DOK6: variants seen among roughly 807,000 people sequenced by gnomAD.
The protein encoded by DOK6 is downstream of tyrosine kinase 6.
In DOK6, 22 loss-of-function variants were observed where a neutral mutation model predicts 44.0. The observed-to-expected ratio is 0.50, with a 90% CI of 0.36 to 0.71. DOK6 has a LOEUF of 0.71. DOK6 is among the 30% of genes least tolerant of loss of function. The probability of loss-of-function intolerance (pLI) is 0.00; values close to 1 mark genes in which losing one functional copy is unlikely to be tolerated. For missense variants in DOK6, 340 were observed against 416.4 expected, an observed-to-expected ratio of 0.82 and a Z score of 1.60; for synonymous variants, 166 against 145.5, an observed-to-expected ratio of 1.14 and a Z score of -1.01.
chr18:69,463,673 G>A (rs1294538166), intron 1 of DOK6, among the ~76,000 whole-genome samples: 1 of 151,842 alleles, frequency 6.6e-6, no homozygotes, highest in Admixed American at 6.6e-5. Context: ...GTGTAAATAT[G>A]TGTGCATGTG....
intron 3 of DOK6, among the ~76,000 whole-genome samples, chr18:69,659,453 T>C (rs1339061623): frequency 1.3e-5 from 2 of 152,208 alleles, no homozygotes; most frequent in East Asian, 3.8e-4. Flanking sequence ...TTCTGCACAA[T>C]GTATTTCATT....
intron 1 of DOK6, among the ~76,000 whole-genome samples, chr18:69,546,743 G>C (rs1222788125): frequency 6.6e-6 from 1 of 151,436 alleles, no homozygotes; most frequent in Non-Finnish European, 1.5e-5. Context: ...CATGAGTAAT[G>C]ATCAAGTCAG....
At chr18:69,744,971 G>A (rs1195342471) in intron 6 of DOK6, among the ~76,000 whole-genome samples, 1 of 147,736 alleles carries the variant, frequency 6.8e-6, no homozygotes, top group Non-Finnish European at 1.5e-5. Flanking sequence ...ACATGCCCAA[G>A]GAGAAACATG....
At chr18:69,784,462 C>G (rs965599894) in intron 7 of DOK6, among the ~76,000 whole-genome samples, 1 of 150,992 alleles carries the variant, frequency 6.6e-6, no homozygotes, top group Admixed American at 6.6e-5. Flanking sequence ...AAAGAGCACA[C>G]TTTATTTTAT....
intron 3 of DOK6, among the ~76,000 whole-genome samples, chr18:69,673,933 T>C (rs1453910998): frequency 6.6e-6 from 1 of 152,136 alleles, no homozygotes; most frequent in Non-Finnish European, 1.5e-5. Context: ...GACTAAAAAG[T>C]TTGAAAGATA....
intron 1 of DOK6, among the ~76,000 whole-genome samples, chr18:69,518,719 A>C (rs921140855): frequency 6.6e-6 from 1 of 152,172 alleles, no homozygotes; most frequent in Non-Finnish European, 1.5e-5. Context: ...CAGAAAGAAA[A>C]ATCTTTAAAA....
intron 5 of DOK6, among the ~76,000 whole-genome samples, chr18:69,731,744 A>G (rs1978410549): frequency 1.3e-5 from 2 of 152,232 alleles, no homozygotes; most frequent in South Asian, 4.1e-4. Context: ...CAGAGACTAA[A>G]TACTATTAAA....
intron 1 of DOK6, among the ~76,000 whole-genome samples, chr18:69,505,567 G>A (rs1050962429): frequency 1.5e-5 from 2 of 136,310 alleles, no homozygotes; most frequent in Non-Finnish European, 3.0e-5. Flanking sequence ...GTGTAATCTC[G>A]GCTCACTGCA....
At position 69,844,349 on chromosome 18, in the gene DOK6, A is replaced by G. The variant is rs1011112202; in HGVS notation, c.*2966A>G. Reference sequence around the variant, plus strand: ...CATCAGGTTGGAAGAGACCAATGATAAAGGAACCCAACGTAAGGAATAGCA... The same window carrying G: ...CATCAGGTTGGAAGAGACCAATGATGAAGGAACCCAACGTAAGGAATAGCA... On this transcript the variant is annotated 3_prime_UTR_variant, in exon 8 of 8. Transcript: ENST00000382713. The G allele has an allele frequency of 6.6e-6, 1 of 152,204 alleles. No homozygotes were observed. Among genetic ancestry groups the G allele is most frequent in the African/African-American group, 2.4e-5 (1 of 41,448 alleles). 9.4% of individuals were successfully genotyped at this position (152,204 alleles called of 1,614,324 possible). A position where few individuals can be genotyped will look rare whatever the true frequency, so the allele number is the denominator to read the frequency against.
chr18:69,698,279 C>T, intron 4 of DOK6, 125 bp from the exon 5 acceptor site: 2 of 756,138 alleles, frequency 2.6e-6, no homozygotes, highest in Non-Finnish European at 4.1e-6. Flanking sequence ...AATGTTTATC[C>T]ATATCACCTA....
intron 1 of DOK6, among the ~76,000 whole-genome samples, chr18:69,538,990 T>G (rs1982196424): frequency 6.6e-6 from 1 of 152,164 alleles, no homozygotes; most frequent in African/African-American, 2.4e-5. Context: ...ATGTGAGAAT[T>G]GAGGGACAGA....
intron 5 of DOK6, among the ~76,000 whole-genome samples, chr18:69,705,480 G>C (rs534937279): frequency 9.1e-4 from 139 of 152,236 alleles, no homozygotes; most frequent in African/African-American, 3.1e-3. Flanking sequence ...TCAGGTTTTT[G>C]TAGGAGCAGC....
At chr18:69,691,960 G>A (rs1331302640) in intron 4 of DOK6, among the ~76,000 whole-genome samples, 2 of 152,018 alleles carry the variant, frequency 1.3e-5, no homozygotes, top group South Asian at 2.1e-4. Context: ...CAAAGAGAGC[G>A]GTAGCATTTG....
chr18:69,817,752 G>A (rs1981443314), intron 7 of DOK6, among the ~76,000 whole-genome samples: 1 of 152,176 alleles, frequency 6.6e-6, no homozygotes, highest in South Asian at 2.1e-4. Context: ...TGGAAGGAAT[G>A]TGATCCGGTC....
At chr18:69,767,772 G>A (rs1979764179) in intron 7 of DOK6, among the ~76,000 whole-genome samples, 1 of 152,144 alleles carries the variant, frequency 6.6e-6, no homozygotes, top group African/African-American at 2.4e-5. Context: ...TGGACTAGAG[G>A]CGAGCAACAA....
At chr18:69,472,405 T>C (rs983539046) in intron 1 of DOK6, among the ~76,000 whole-genome samples, 1 of 152,142 alleles carries the variant, frequency 6.6e-6, no homozygotes, top group African/African-American at 2.4e-5. Context: ...AGGTGGCACA[T>C]CATATTCTTG....
intron 3 of DOK6, among the ~76,000 whole-genome samples, chr18:69,664,122 GTTAA>G (rs372318430): frequency 6.6e-6 from 1 of 152,124 alleles, no homozygotes; most frequent in Non-Finnish European, 1.5e-5. Flanking sequence ...AAATGTTTGT[GTTAA>G]TTAATTTCAG....
intron 1 of DOK6, among the ~76,000 whole-genome samples, chr18:69,455,156 CAAAAA>C (rs58451274): frequency 8.2e-4 from 96 of 117,440 alleles, no homozygotes; most frequent in Middle Eastern, 4.8e-3. Flanking sequence ...ATAGCTATAG[CAAAAA>C]AAAAAAAAAA....
intron 3 of DOK6, among the ~76,000 whole-genome samples, chr18:69,613,091 G>A (rs372715228): frequency 4.1e-4 from 62 of 152,108 alleles, no homozygotes; most frequent in African/African-American, 9.2e-4. Flanking sequence ...GGCTGGTCTC[G>A]AACTCCTGGG....
Sources: gnomAD v4.1 joint callset for allele counts (sites outside exome capture counted in the v4.1 genomes callset) on GRCh38, gnomAD v4.1.1 for gene constraint, MANE v1.5 for transcripts, NCBI Gene and HGNC (gene_info 2026-07-23, HGNC 2026-07-21) for gene names.